The following EVC2 variants were observed in gnomAD, a reference collection of about 807,000 sequenced individuals.
EVC2 encodes the protein limbin.
A neutral mutation model predicts 149.3 loss-of-function variants in EVC2; 148 were observed. The ratio of observed to expected loss-of-function variants is 0.99; its 90% confidence interval spans 0.87 to 1.14. The LOEUF (loss-of-function observed/expected upper bound fraction) is 1.14. Among genes scored for constraint, EVC2 ranks in the 50% most tolerant of loss-of-function variants. The probability of loss-of-function intolerance (pLI) is 0.00; values close to 1 mark genes in which losing one functional copy is unlikely to be tolerated. For missense variants in EVC2, 1,854 were observed against 1,627.3 expected (o/e 1.14, Z -2.40); for synonymous variants, 776 against 649.9 (o/e 1.19, Z -2.95).
intron 1 of EVC2, among the ~76,000 whole-genome samples, chr4:5,699,967 C>A (rs1721725729): frequency 1.3e-5 from 2 of 151,924 alleles, no homozygotes; most frequent in South Asian, 2.1e-4. Context: ...ATGGTGAAAC[C>A]CTGCCTCTAC....
At position 5,618,990 on chromosome 4, in the gene EVC2, A is replaced by G. The variant is rs1577165367; in HGVS notation, c.2502-308T>C. On this transcript the variant is annotated intron_variant, in intron 14 of 21. Coordinates refer to ENST00000344408, the MANE Select transcript of EVC2 (RefSeq NM_147127.5). The surrounding 1 kb of genome is among the most constrained non-coding windows in gnomAD (Gnocchi z 4.4). ...ATTAACCTGGTCTCACTTCAGAAACAGACGTGTAAACAAAGCACTGTCTGT... is the reference window on the plus strand; with the variant it reads ...ATTAACCTGGTCTCACTTCAGAAACGGACGTGTAAACAAAGCACTGTCTGT... Among the ~76,000 whole-genome samples, 4 of 152,336 alleles carry G rather than the reference A, an allele frequency of 2.6e-5. No homozygotes were observed. In the South Asian group the frequency reaches 8.3e-4, roughly 32 times the overall value.
chr4:5,705,920 T>C (rs1722102661), intron 1 of EVC2, among the ~76,000 whole-genome samples: 1 of 151,794 alleles, frequency 6.6e-6, no homozygotes, highest in African/African-American at 2.4e-5. Flanking sequence ...TTAAAAAAGG[T>C]AAAATCCCTG....
chr4:5,574,812 A>T, intron 18 of EVC2, 40 bp from the exon 19 acceptor site: 3 of 1,571,552 alleles, frequency 1.9e-6, no homozygotes, highest in Middle Eastern at 3.3e-4. Flanking sequence ...CAGTTTTGTT[A>T]TAAAGTGATA....
chr4:5,618,874 G>T lies in EVC2; in HGVS notation c.2502-192C>A, dbSNP rs943427957. Among the ~76,000 whole-genome samples, 2 of 152,358 alleles carry T rather than the reference G, an allele frequency of 1.3e-5. No homozygotes were observed. Among genetic ancestry groups the T allele is most frequent in the East Asian group, 3.9e-4 (2 of 5,182 alleles). On this transcript the variant is annotated intron_variant, in intron 14 of 21. Transcript: ENST00000344408. This position sits in a 1 kb window ranked among gnomAD's most constrained non-coding sequence, Gnocchi z 4.4. ...TGCATGTCGTGCTGCATAGGACATTGTATTGGAGCTAGGAATGAGAGCTGA... is the reference window on the plus strand; with the variant it reads ...TGCATGTCGTGCTGCATAGGACATTTTATTGGAGCTAGGAATGAGAGCTGA...
chr4:5,638,032 G>C (rs1402725338), intron 10 of EVC2, among the ~76,000 whole-genome samples: 1 of 152,054 alleles, frequency 6.6e-6, no homozygotes, highest in Non-Finnish European at 1.5e-5. Flanking sequence ...GTCCTTGTTT[G>C]CTGACCACTG....
Position 5,586,858 on chromosome 4 carries a change from C to T in EVC2, c.2830-2008G>A, listed in dbSNP as rs182148903. On this transcript the variant is annotated intron_variant, in intron 16 of 21. Coordinates refer to ENST00000344408, the MANE Select transcript of EVC2 (RefSeq NM_147127.5). ...GTATAAAATCAAGCTGTGCCCCAACCACCTTGGGCACATGTCATCAAGACC... is the reference window on the plus strand; with the variant it reads ...GTATAAAATCAAGCTGTGCCCCAACTACCTTGGGCACATGTCATCAAGACC... Among the ~76,000 whole-genome samples the T allele has an allele frequency of 2.6e-5, 4 of 152,248 alleles. No individual in the cohort carries two copies. In the East Asian group the frequency reaches 5.8e-4, roughly 22 times the overall value.
intron 16 of EVC2, among the ~76,000 whole-genome samples, chr4:5,601,389 T>C (rs974426957): frequency 6.6e-6 from 1 of 151,990 alleles, no homozygotes; most frequent in African/African-American, 2.4e-5. Flanking sequence ...ATTGGGATGG[T>C]GGAGGAAGAT....
At position 5,567,198 on chromosome 4, in the gene EVC2, T is replaced by A. The variant is rs1722338709; in HGVS notation, c.3557+1246A>T. Among the ~76,000 whole-genome samples the A allele has an allele frequency of 2.6e-5, 4 of 151,826 alleles. No homozygotes were observed. Among genetic ancestry groups the A allele is most frequent in the Admixed American group, 2.6e-4 (4 of 15,248 alleles). On this transcript the variant is annotated intron_variant, in intron 20 of 21. Transcript: ENST00000344408. This position sits in a 1 kb window ranked among gnomAD's most constrained non-coding sequence, Gnocchi z 4.4. The stretch of plus-strand genomic sequence containing the variant: ...CTCTGACTGCGGTCCACAACCCACT[T>A]CCTGACTATACTGGGCCCCAAGGCC...
At chr4:5,688,908 C>T (rs940430671) in intron 5 of EVC2, among the ~76,000 whole-genome samples, 39 of 152,134 alleles carry the variant, frequency 2.6e-4, no homozygotes, top group African/African-American at 8.9e-4. Flanking sequence ...TTAAAAATTT[C>T]CCACAACTCT....
At chr4:5,641,433 G>A (rs746448748) in intron 9 of EVC2, among the ~76,000 whole-genome samples, 1 of 152,128 alleles carries the variant, frequency 6.6e-6, no homozygotes, top group Non-Finnish European at 1.5e-5. Flanking sequence ...GGAATTATCT[G>A]TATTATCTTC....
Position 5,622,270 on chromosome 4 carries a change from C to G in EVC2, c.2501+267G>C, listed in dbSNP as rs1715743277. ...TATTCAGACAAGGCAATCACATTTTCCCCTGGAAGCCAGGGGCCACCCATC... is the reference window on the plus strand; with the variant it reads ...TATTCAGACAAGGCAATCACATTTTGCCCTGGAAGCCAGGGGCCACCCATC... On this transcript the variant is annotated intron_variant, in intron 14 of 21. Coordinates refer to ENST00000344408, the MANE Select transcript of EVC2 (RefSeq NM_147127.5). This position sits in a 1 kb window ranked among gnomAD's most constrained non-coding sequence, Gnocchi z 5.8. Among the ~76,000 whole-genome samples, 2 of 152,044 alleles carry G rather than the reference C, an allele frequency of 1.3e-5. No homozygotes were observed. Among genetic ancestry groups the G allele is most frequent in the African/African-American group, 4.8e-5 (2 of 41,406 alleles).
At chr4:5,573,037 C>A (rs1452860264) in intron 19 of EVC2, among the ~76,000 whole-genome samples, 2 of 152,192 alleles carry the variant, frequency 1.3e-5, no homozygotes, top group African/African-American at 4.8e-5. Flanking sequence ...TGTTTCCCAT[C>A]TTTCTGCAAG....
intron 22 of EVC2, chr4:5,542,958 A>G (rs571055577): frequency 1.7e-4 from 64 of 377,420 alleles, no homozygotes; most frequent in African/African-American, 1.2e-3. Context: ...CTGCCCTGCA[A>G]TGTAAACAAG....
intron 9 of EVC2, among the ~76,000 whole-genome samples, chr4:5,643,602 C>T (rs1032729249): frequency 6.6e-6 from 1 of 152,162 alleles, no homozygotes; most frequent in African/African-American, 2.4e-5. Flanking sequence ...GTGCGACTAC[C>T]TACACTGTCA....
At chr4:5,584,400 T>C (rs1385806550) in intron 17 of EVC2, among the ~76,000 whole-genome samples, 2 of 152,180 alleles carry the variant, frequency 1.3e-5, no homozygotes, top group Non-Finnish European at 2.9e-5. Context: ...GTTTCAGAGA[T>C]GTTAAAATCC....
chr4:5,668,435 C>T (rs1426422683), intron 7 of EVC2, among the ~76,000 whole-genome samples: 1 of 152,176 alleles, frequency 6.6e-6, no homozygotes, highest in Non-Finnish European at 1.5e-5. Context: ...CTAACATCCT[C>T]TTGATCCTAA....
downstream of EVC2, among the ~76,000 whole-genome samples, chr4:5,541,579 A>G (rs1317638769): frequency 6.6e-6 from 1 of 152,152 alleles, no homozygotes; most frequent in Non-Finnish European, 1.5e-5. Flanking sequence ...AGGACTTCAC[A>G]TCCTTGTGTC....
At chr4:5,574,213 T>C (rs1398290926) in intron 19 of EVC2, among the ~76,000 whole-genome samples, 1 of 152,146 alleles carries the variant, frequency 6.6e-6, no homozygotes, top group Non-Finnish European at 1.5e-5. Flanking sequence ...TAAGGCTCCG[T>C]GCACAGCCTC....
downstream of EVC2, among the ~76,000 whole-genome samples, chr4:5,540,334 A>G (rs1721490985): frequency 6.6e-6 from 1 of 152,202 alleles, no homozygotes; most frequent in South Asian, 2.1e-4. Flanking sequence ...CCAGCTATAT[A>G]TCCAAGAGCA....
Sources: gnomAD v4.1 joint callset for allele counts (sites outside exome capture counted in the v4.1 genomes callset) on GRCh38, gnomAD v4.1.1 for gene constraint, Gnocchi (gnomAD v3.1) non-coding constraint, MANE v1.5 for transcripts, NCBI Gene and HGNC (gene_info 2026-07-23, HGNC 2026-07-21) for gene names.